SPOCK1: variants seen among roughly 807,000 people sequenced by gnomAD.
SPOCK1 encodes SPARC (osteonectin), cwcv and kazal like domains proteoglycan 1.
In SPOCK1, 23 loss-of-function variants were observed where a neutral mutation model predicts 55.3. That is an observed-to-expected ratio of 0.42 (90% CI 0.30 to 0.59). The LOEUF is 0.59. Ranked by LOEUF, SPOCK1 falls within the 20% of genes least tolerant of loss-of-function variation. SPOCK1 has a pLI of 0.22. For synonymous variants in SPOCK1, 226 were observed against 221.0 expected, an observed-to-expected ratio of 1.02 and a Z score of -0.20; for missense variants, 499 against 552.5, an observed-to-expected ratio of 0.90 and a Z score of 0.97.
At chr5:137,301,979 T>C (rs1310873581) in intron 2 of SPOCK1, among the ~76,000 whole-genome samples, 1 of 152,110 alleles carries the variant, frequency 6.6e-6, no homozygotes, top group Non-Finnish European at 1.5e-5. Flanking sequence ...CTGAGGGTCA[T>C]GGCGCTTCTA....
chr5:136,986,608 C>T (rs564970267), intron 8 of SPOCK1, among the ~76,000 whole-genome samples: 1 of 152,058 alleles, frequency 6.6e-6, no homozygotes, highest in South Asian at 2.1e-4. Flanking sequence ...GCAAACCAAC[C>T]AGAATAACTT....
chr5:137,146,426 G>C (rs1754194880), intron 3 of SPOCK1, among the ~76,000 whole-genome samples: 1 of 152,220 alleles, frequency 6.6e-6, no homozygotes, highest in Non-Finnish European at 1.5e-5. Context: ...ACCAGTTAAA[G>C]ATGCCTTGTT....
At position 137,115,260 on chromosome 5, in the gene SPOCK1, C is replaced by T. The variant is rs74497233; in HGVS notation, c.348-2699G>A. Among the ~76,000 whole-genome samples, 842 of 152,096 alleles carry T rather than the reference C, an allele frequency of 5.5e-3. 7 individuals are homozygous for T. Among genetic ancestry groups the T allele is most frequent in the African/African-American group, 0.019 (806 of 41,480 alleles). On this transcript the variant is annotated intron_variant, in intron 4 of 10. Coordinates refer to ENST00000394945, the MANE Select transcript of SPOCK1 (RefSeq NM_004598.4). ...ATCACAAAATCACAGAATGTCAGAA[C>T]GAGAAAACACCTTAAAACTACTCTA...
chr5:137,328,890 G>A (rs1758123194), intron 2 of SPOCK1, among the ~76,000 whole-genome samples: 1 of 152,160 alleles, frequency 6.6e-6, no homozygotes, highest in African/African-American at 2.4e-5. Flanking sequence ...TTTGGGAATT[G>A]GAAATGGTAT....
chr5:137,314,382 T>C (rs1330462558), intron 2 of SPOCK1, among the ~76,000 whole-genome samples: 1 of 152,188 alleles, frequency 6.6e-6, no homozygotes, highest in East Asian at 1.9e-4. Context: ...CACCAGCTTC[T>C]GTGGGCTTGA....
chr5:137,128,536 A>C (rs933741733), intron 4 of SPOCK1, among the ~76,000 whole-genome samples: 2 of 152,292 alleles, frequency 1.3e-5, no homozygotes, highest in African/African-American at 4.8e-5. Flanking sequence ...AAAATACCAT[A>C]ATGTGGGGTT....
At chr5:137,383,718 C>T (rs1044331290) in intron 2 of SPOCK1, among the ~76,000 whole-genome samples, 4 of 152,232 alleles carry the variant, frequency 2.6e-5, no homozygotes, top group African/African-American at 4.8e-5. Flanking sequence ...CAGTTAACTG[C>T]GAGGTCCCTG....
At chr5:137,252,618 G>T (rs186524175) in intron 3 of SPOCK1, among the ~76,000 whole-genome samples, 1 of 152,318 alleles carries the variant, frequency 6.6e-6, no homozygotes, top group Admixed American at 6.5e-5. Flanking sequence ...TTGTTGACCA[G>T]ATATAAACAC....
chr5:137,412,131 A>C (rs764793676), intron 2 of SPOCK1, among the ~76,000 whole-genome samples: 1 of 152,216 alleles, frequency 6.6e-6, no homozygotes, highest in African/African-American at 2.4e-5. Context: ...CAGTGTCCTC[A>C]TGTATTACTT....
intron 2 of SPOCK1, among the ~76,000 whole-genome samples, chr5:137,327,742 T>C (rs1051551615): frequency 6.6e-6 from 1 of 151,504 alleles, no homozygotes; most frequent in Non-Finnish European, 1.5e-5. Flanking sequence ...TAAAAACACA[T>C]AGCTCTTAGA....
chr5:137,003,418 G>C (rs1751184787), intron 6 of SPOCK1, among the ~76,000 whole-genome samples: 1 of 152,108 alleles, frequency 6.6e-6, no homozygotes, highest in Admixed American at 6.5e-5. Context: ...TAAATCATAA[G>C]TTGTATAAAT....
chr5:137,153,857 C>T (rs907572700), intron 3 of SPOCK1, among the ~76,000 whole-genome samples: 2 of 135,100 alleles, frequency 1.5e-5, no homozygotes, highest in African/African-American at 5.4e-5. Context: ...GATTCTGTCT[C>T]AAAAAAACAA....
At chr5:137,478,533 G>A (rs1439186580) in intron 2 of SPOCK1, among the ~76,000 whole-genome samples, 5 of 152,092 alleles carry the variant, frequency 3.3e-5, no homozygotes, top group African/African-American at 1.2e-4. Flanking sequence ...CCAATAAAAT[G>A]TTTGTTTTTA....
chr5:137,174,275 T>C (rs780891247), intron 3 of SPOCK1, among the ~76,000 whole-genome samples: 1 of 152,184 alleles, frequency 6.6e-6, no homozygotes, highest in Non-Finnish European at 1.5e-5. Flanking sequence ...CAGGTAACAA[T>C]TGCACATCTA....
At chr5:137,460,624 G>A (rs1753467676) in intron 2 of SPOCK1, among the ~76,000 whole-genome samples, 1 of 152,130 alleles carries the variant, frequency 6.6e-6, no homozygotes, top group African/African-American at 2.4e-5. Context: ...ACATGAAGTT[G>A]CAAAGACTCT....
In SPOCK1 at chr5:137,437,861, C is replaced by T. The variant is rs187582547; in HGVS notation, c.186+60512G>A. On this transcript the variant is annotated intron_variant, in intron 2 of 10. Transcript: ENST00000394945. ...GATTCCCTGAAGCCAATCTCCAGAA[C>T]TTTTTCATCTTGAGAAACTGAAATT... 4.3e-3 allele frequency among the ~76,000 whole-genome samples: 654 copies of T among 152,314 alleles called. 5 individuals carry two copies. The highest frequency in any genetic ancestry group is 6.1e-3 in the Admixed American group (94 of 15,304).
rs572658484 is a variant in SPOCK1 at position 137,173,649 on chromosome 5, T to G, written c.233-32955A>C. Among the ~76,000 whole-genome samples the G allele has an allele frequency of 2.6e-5, 4 of 152,350 alleles. No homozygotes were observed. The East Asian group carries it at 7.7e-4, about 29-fold the overall frequency. ...AATACAAATCGGTATTTCTTGAATT[T>G]ATTTTGTAGTTCAGTATTGTTTTTA... On this transcript the variant is annotated intron_variant, in intron 3 of 10. Coordinates refer to ENST00000394945, the MANE Select transcript of SPOCK1 (RefSeq NM_004598.4).
intron 2 of SPOCK1, among the ~76,000 whole-genome samples, chr5:137,269,882 G>A (rs1756927807): frequency 6.6e-6 from 1 of 152,038 alleles, no homozygotes; most frequent in African/African-American, 2.4e-5. Context: ...CATTTCACCA[G>A]GGCCTAAGAC....
chr5:137,406,671 C>A (rs12656994), intron 2 of SPOCK1, among the ~76,000 whole-genome samples: 1 of 152,194 alleles, frequency 6.6e-6, no homozygotes, highest in Non-Finnish European at 1.5e-5. Context: ...AGTCTCACAG[C>A]GGCCCTCAGA....
Sources: gnomAD v4.1 joint callset for allele counts (sites outside exome capture counted in the v4.1 genomes callset) on GRCh38, gnomAD v4.1.1 for gene constraint, MANE v1.5 for transcripts, NCBI Gene and HGNC (gene_info 2026-07-23, HGNC 2026-07-21) for gene names.